YPEL1: variants seen among roughly 807,000 people sequenced by gnomAD.
The protein encoded by YPEL1 is yippee like 1.
A neutral mutation model predicts 17.3 loss-of-function variants in YPEL1; 7 were observed. The observed-to-expected ratio is 0.40, with a 90% CI of 0.23 to 0.76. YPEL1 has a LOEUF of 0.76. Ranked by LOEUF, YPEL1 falls within the 30% of genes least tolerant of loss-of-function variation. The pLI, the probability that YPEL1 is intolerant of heterozygous loss-of-function variation, is 0.35. For missense variants in YPEL1, 91 were observed against 155.5 expected (o/e 0.59, Z 2.21); for synonymous variants, 59 against 59.6 (o/e 0.99, Z 0.05).
chr22:21,714,184 G>A (rs577645391), intron 1 of YPEL1, among the ~76,000 whole-genome samples: 4 of 152,136 alleles, frequency 2.6e-5, no homozygotes, highest in Non-Finnish European at 4.4e-5. Context: ...ATCTGGGACT[G>A]AAGATGTGTG....
intron 2 of YPEL1, 148 bp downstream of exon 2, chr22:21,710,480 C>T (rs373941060): frequency 3.0e-5 from 22 of 732,740 alleles, no homozygotes; most frequent in East Asian, 1.2e-4. Flanking sequence ...ATGCACAAAA[C>T]GCTCACCAAT....
rs367780704 is a variant in YPEL1 at position 21,726,154 on chromosome 22, C to T, written c.-165+9461G>A. ...CACCTCACCCAGACCCACATGTCCC[C>T]AGGGTCTAGGACCATGGTCCCCAAA... On this transcript the variant is annotated intron_variant, in intron 1 of 4. Transcript: ENST00000339468. 3.9e-3 allele frequency among the ~76,000 whole-genome samples: 594 copies of T among 152,282 alleles called. 3 individuals carry two copies. Among genetic ancestry groups the T allele is most frequent in the African/African-American group, 0.014 (575 of 41,544 alleles).
intron 1 of YPEL1, among the ~76,000 whole-genome samples, chr22:21,713,106 C>T (rs1041100372): frequency 3.3e-5 from 5 of 152,172 alleles, no homozygotes; most frequent in East Asian, 1.9e-4. Flanking sequence ...CGCGCACACA[C>T]GGAAAATAAG....
At chr22:21,701,249 C>T (rs769534979) in intron 4 of YPEL1, 31 bp from the exon 5 acceptor site, 6 of 1,569,028 alleles carry the variant, frequency 3.8e-6, no homozygotes, top group Non-Finnish European at 5.3e-6. Context: ...GGTTTCAGGA[C>T]AGAAGGTTTC....
intron 1 of YPEL1, among the ~76,000 whole-genome samples, chr22:21,711,621 G>A (rs2068167115): frequency 6.6e-6 from 1 of 152,024 alleles, no homozygotes; most frequent in Non-Finnish European, 1.5e-5. Flanking sequence ...CATTCAATGG[G>A]GAAAGGACAG....
Position 21,710,866 on chromosome 22 carries a change from G to A in YPEL1, c.-122C>T, listed in dbSNP as rs571006470. ...AAGAGCCGTCGTTGTCCAGGAGGGC[G>A]TGTGGCACTGTCCACACAGCTGGGA... On this transcript the variant is annotated 5_prime_UTR_variant, in exon 2 of 5. It adds an upstream start codon to the 5' untranslated region. Transcript: ENST00000339468. 28 of 835,762 alleles carry A rather than the reference G, an allele frequency of 3.4e-5. No homozygotes were observed. The highest frequency in any genetic ancestry group is 4.5e-5 in the Non-Finnish European group (22 of 485,804). 51.8% of individuals were successfully genotyped at this position (835,762 alleles called of 1,614,324 possible). A position where few individuals can be genotyped will look rare whatever the true frequency, so the allele number is the denominator to read the frequency against.
At chr22:21,723,678 T>A (rs943660117) in intron 1 of YPEL1, among the ~76,000 whole-genome samples, 7 of 128,288 alleles carry the variant, frequency 5.5e-5, no homozygotes, top group African/African-American at 1.9e-4. Flanking sequence ...GAATTTTATT[T>A]TATTTTAATT....
At chr22:21,717,372 G>A (rs1421949542) in intron 1 of YPEL1, among the ~76,000 whole-genome samples, 15 of 136,302 alleles carry the variant, frequency 1.1e-4, no homozygotes, top group East Asian at 4.3e-4. Flanking sequence ...GCAATAGTCC[G>A]TCTCAAAAAA....
At position 21,704,270 on chromosome 22, in the gene YPEL1, G is replaced by T. The variant is rs545888664; in HGVS notation, c.118-388C>A. 4 of 696,306 alleles carry T rather than the reference G, an allele frequency of 5.7e-6. No homozygotes were observed. In the East Asian group the frequency reaches 8.1e-5, roughly 14 times the overall value. The allele number at this position is 696,306 out of a possible 1,614,324, so 43.1% of individuals were successfully genotyped here. Reference sequence around the variant, plus strand: ...CACAGATCCTCAAAATGCTCTCCTCGCCGCCTCTTCTGCAGCAGTTCAGAT... The same window carrying T: ...CACAGATCCTCAAAATGCTCTCCTCTCCGCCTCTTCTGCAGCAGTTCAGAT... On this transcript the variant is annotated intron_variant, in intron 2 of 4. Transcript: ENST00000339468.
intron 1 of YPEL1, among the ~76,000 whole-genome samples, chr22:21,729,390 TGAG>T (rs972642047): frequency 2.4e-4 from 36 of 151,116 alleles, no homozygotes; most frequent in Middle Eastern, 6.9e-3. Context: ...GAAGATTACT[TGAG>T]GCCAGGAGTT....
intron 1 of YPEL1, among the ~76,000 whole-genome samples, chr22:21,717,387 A>AC (rs2068237869): frequency 6.6e-6 from 1 of 151,932 alleles, no homozygotes; most frequent in Non-Finnish European, 1.5e-5. Context: ...AAAAAAAAAA[A>AC]AAAAACAAAA....
chr22:21,723,168 A>G (rs2068300322), intron 1 of YPEL1: 1 of 151,324 alleles, frequency 6.6e-6, no homozygotes, highest in Non-Finnish European at 1.5e-5. Context: ...TACAGCAGTG[A>G]GTGGTGCGCC....
chr22:21,731,399 A>G (rs2068384536), intron 1 of YPEL1, among the ~76,000 whole-genome samples: 1 of 152,086 alleles, frequency 6.6e-6, no homozygotes, highest in Non-Finnish European at 1.5e-5. Flanking sequence ...TTAGGTTGAA[A>G]GAGTGGGTAC....
At chr22:21,702,798 G>C (rs922132759) in intron 4 of YPEL1, among the ~76,000 whole-genome samples, 4 of 152,212 alleles carry the variant, frequency 2.6e-5, no homozygotes, top group Non-Finnish European at 5.9e-5. Flanking sequence ...GGAGGGAAGC[G>C]GGGCAGGAAG....
In YPEL1 at chr22:21,698,500, C is replaced by T. The variant is rs1036763350; in HGVS notation, c.*2629G>A. Reference sequence around the variant, plus strand: ...CACTCAGGACTTGGCTGTCCTCGCACCCGTGGCAGGCTGGGGACGGCACGA... The same window carrying T: ...CACTCAGGACTTGGCTGTCCTCGCATCCGTGGCAGGCTGGGGACGGCACGA... On this transcript the variant is annotated 3_prime_UTR_variant, in exon 5 of 5. Coordinates refer to ENST00000339468, the MANE Select transcript of YPEL1 (RefSeq NM_013313.5). 2 of 152,346 alleles carry T rather than the reference C, an allele frequency of 1.3e-5. No individual in the cohort carries two copies. The highest frequency in any genetic ancestry group is 4.8e-5 in the African/African-American group (2 of 41,452). 9.4% of individuals were successfully genotyped at this position (152,346 alleles called of 1,614,324 possible). A position where few individuals can be genotyped will look rare whatever the true frequency, so the allele number is the denominator to read the frequency against.
At chr22:21,707,061 G>A (rs1175292949) in intron 2 of YPEL1, among the ~76,000 whole-genome samples, 1 of 152,016 alleles carries the variant, frequency 6.6e-6, no homozygotes, top group Non-Finnish European at 1.5e-5. Flanking sequence ...GAAGAAGCAA[G>A]TCTCCTCGTT....
chr22:21,701,279 CTT>C (rs1422004839), intron 4 of YPEL1, 61 bp from the exon 5 acceptor site: 24 of 1,387,320 alleles, frequency 1.7e-5, no homozygotes, highest in South Asian at 3.6e-5. Flanking sequence ...TTTCATCACT[CTT>C]TTGGCAAAAA....
chr22:21,717,349 CT>C (rs1410168388), intron 1 of YPEL1, among the ~76,000 whole-genome samples: 2 of 143,438 alleles, frequency 1.4e-5, no homozygotes, highest in African/African-American at 2.6e-5. Flanking sequence ...GCACTCCAGC[CT>C]TGGGTAACAG....
At chr22:21,706,130 C>CA (rs2068113325) in intron 2 of YPEL1, among the ~76,000 whole-genome samples, 1 of 148,426 alleles carries the variant, frequency 6.7e-6, no homozygotes, top group Admixed American at 6.7e-5. Flanking sequence ...AACTCTGCCT[C>CA]AAAAAAAATT....
Sources: allele counts gnomAD v4.1 joint callset (sites outside exome capture counted in the v4.1 genomes callset), GRCh38; gene constraint gnomAD v4.1.1; transcripts MANE v1.5; gene names NCBI Gene and HGNC (gene_info 2026-07-23, HGNC 2026-07-21).